The following SGTB variants were observed in gnomAD, a reference collection of about 807,000 sequenced individuals.
SGTB encodes the protein small glutamine-rich tetratricopeptide repeat-containing protein beta.
In SGTB, 19 loss-of-function variants were observed where a neutral mutation model predicts 43.9. The observed-to-expected ratio is 0.43, with a 90% CI of 0.30 to 0.63. SGTB has a LOEUF of 0.63. Ranked by LOEUF, SGTB falls within the 30% of genes least tolerant of loss-of-function variation. The probability of loss-of-function intolerance (pLI) is 0.12; values close to 1 mark genes in which losing one functional copy is unlikely to be tolerated. For synonymous variants in SGTB, 116 were observed against 117.3 expected (o/e 0.99, Z 0.07); for missense variants, 304 against 358.9 (o/e 0.85, Z 1.24).
chr5:65,710,279 T>C (rs1228322305), intron 3 of SGTB, among the ~76,000 whole-genome samples: 1 of 152,138 alleles, frequency 6.6e-6, no homozygotes, highest in African/African-American at 2.4e-5. Context: ...ACTTTATACA[T>C]GGGAAAAAGT....
chr5:65,695,050 T>C (rs1757692776), intron 5 of SGTB, among the ~76,000 whole-genome samples: 2 of 152,122 alleles, frequency 1.3e-5, no homozygotes, highest in Non-Finnish European at 1.5e-5. Context: ...AAGCATTAGA[T>C]GATCAATTTC....
At chr5:65,673,210 T>A (rs1757191910) in intron 8 of SGTB, among the ~76,000 whole-genome samples, 1 of 152,230 alleles carries the variant, frequency 6.6e-6, no homozygotes, top group Non-Finnish European at 1.5e-5. Flanking sequence ...CAGCAATTAA[T>A]GTCTCAGTGT....
At chr5:65,705,749 C>T (rs1346102545) in intron 4 of SGTB, among the ~76,000 whole-genome samples, 2 of 151,582 alleles carry the variant, frequency 1.3e-5, no homozygotes, top group Non-Finnish European at 2.9e-5. Flanking sequence ...TTCTGTAGGC[C>T]GGGTATGATG....
intron 8 of SGTB, among the ~76,000 whole-genome samples, chr5:65,675,813 G>A (rs2150703804): frequency 6.6e-6 from 1 of 152,242 alleles, no homozygotes; most frequent in East Asian, 1.9e-4. Flanking sequence ...ATTACTACCA[G>A]ACCTGCCTTA....
intron 2 of SGTB, among the ~76,000 whole-genome samples, chr5:65,716,033 G>C (rs1758141696): frequency 1.3e-5 from 2 of 152,250 alleles, no homozygotes; most frequent in Non-Finnish European, 2.9e-5. Context: ...GCCTCCCGAA[G>C]TACTGGGATT....
Position 65,712,960 on chromosome 5 carries a change from C to A in SGTB, c.204+1G>T. On this transcript the variant is annotated splice_donor_variant, in intron 3 of 10. Coordinates refer to ENST00000381007, the MANE Select transcript of SGTB (RefSeq NM_019072.3). LOFTEE classifies it high-confidence loss of function. ...ATAATGAGAAAATAATGACAACATACCTTACAGAAGGAACTGGTAAACATT... is the reference window on the plus strand; with the variant it reads ...ATAATGAGAAAATAATGACAACATAACTTACAGAAGGAACTGGTAAACATT... 6.2e-7 allele frequency: 1 copy of A among 1,608,342 alleles called. No individual in the cohort carries two copies. Among genetic ancestry groups the A allele is most frequent in the South Asian group, 1.1e-5 (1 of 90,464 alleles).
At position 65,680,550 on chromosome 5, in the gene SGTB, T is replaced by C. The variant is rs1383365326; in HGVS notation, c.625A>G (p.Thr209Ala). The change falls in exon 8 of 11, where the codon ACT becomes GCT. Residue 209 changes from threonine (T) to alanine (A), a missense_variant. Physicochemically the swap from Thr to Ala is moderately conservative, Grantham distance 58. Transcript: ENST00000381007. ...CTAGCCATGTCAAAGCTCAGTCCAG[T>C]TCCTGTCTGTAAAACAATTATATCT... ...KLREVSSPTG[T>A]GLSFDMASLI... The C allele has an allele frequency of 6.2e-7, 1 of 1,614,154 alleles. No individual in the cohort carries two copies. Among genetic ancestry groups the C allele is most frequent in the South Asian group, 1.1e-5 (1 of 91,080 alleles).
intron 2 of SGTB, among the ~76,000 whole-genome samples, chr5:65,714,230 T>C (rs559245163): frequency 7.9e-5 from 12 of 152,280 alleles, no homozygotes; most frequent in African/African-American, 2.6e-4. Flanking sequence ...TATGTGAAGA[T>C]AGATTTTAAA....
chr5:65,719,908 T>C lies in SGTB; in HGVS notation c.100+800A>G, dbSNP rs532796022. On this transcript the variant is annotated intron_variant, in intron 2 of 10. Transcript: ENST00000381007. ...GTGGTATAATTATTAGACTTTTACA[T>C]AGTGCTATTAAAATGACTCAGGTAT... Among the ~76,000 whole-genome samples the C allele has an allele frequency of 3.2e-4, 48 of 152,282 alleles. 1 individual carries two copies. The highest frequency in any genetic ancestry group is 1.2e-3 in the African/African-American group (48 of 41,562).
At chr5:65,700,439 C>T (rs62368870) in intron 5 of SGTB, among the ~76,000 whole-genome samples, 16 of 152,036 alleles carry the variant, frequency 1.1e-4, no homozygotes, top group African/African-American at 3.4e-4. Context: ...GAGGCCGAGG[C>T]GGGTGGATCA....
chr5:65,717,465 G>A (rs1404043900), intron 2 of SGTB, among the ~76,000 whole-genome samples: 2 of 151,594 alleles, frequency 1.3e-5, no homozygotes, highest in African/African-American at 2.4e-5. Flanking sequence ...GAGACAGGAT[G>A]GGATCTAGTA....
At chr5:65,682,987 T>C (rs1376920816) in intron 6 of SGTB, among the ~76,000 whole-genome samples, 1 of 152,132 alleles carries the variant, frequency 6.6e-6, no homozygotes, top group Non-Finnish European at 1.5e-5. Context: ...CTTGTTTTTA[T>C]GTGTGTTTCT....
intron 5 of SGTB, among the ~76,000 whole-genome samples, chr5:65,698,427 A>G (rs888002803): frequency 3.9e-5 from 6 of 152,216 alleles, no homozygotes; most frequent in Non-Finnish European, 8.8e-5. Context: ...AGATAGGGAA[A>G]CCAAGGCATA....
chr5:65,714,091 C>T (rs1758103086), intron 2 of SGTB, among the ~76,000 whole-genome samples: 1 of 152,036 alleles, frequency 6.6e-6, no homozygotes, highest in African/African-American at 2.4e-5. Context: ...ACTCTCACTA[C>T]AAACCTAAAA....
chr5:65,672,306 C>CA (rs1300051435), intron 8 of SGTB, 25 bp from the exon 9 acceptor site: 2 of 1,612,910 alleles, frequency 1.2e-6, no homozygotes, highest in Non-Finnish European at 1.7e-6. Flanking sequence ...CAGCACCTCC[C>CA]ATTAAAGGCA....
At chr5:65,718,321 T>C (rs566279627) in intron 2 of SGTB, among the ~76,000 whole-genome samples, 1 of 152,304 alleles carries the variant, frequency 6.6e-6, no homozygotes, top group Admixed American at 6.5e-5. Context: ...AATCAGAATG[T>C]ATCCAGATAT....
intron 8 of SGTB, among the ~76,000 whole-genome samples, chr5:65,677,508 T>C (rs1757306309): frequency 1.3e-5 from 2 of 152,184 alleles, no homozygotes; most frequent in Admixed American, 6.5e-5. Context: ...ATCATCCTGA[T>C]ACCAAAACCT....
rs1483327763 is a variant in SGTB, at chr5:65,666,456, C to T, written c.*3790G>A. ...AGTATCATAATAGCTACAGCTACTA[C>T]AAGAAATATGGTTAATGGAAGTCAA... On this transcript the variant is annotated 3_prime_UTR_variant, in exon 11 of 11. Transcript: ENST00000381007. 1 of 152,152 alleles carries T rather than the reference C, an allele frequency of 6.6e-6. No homozygotes were observed. Among genetic ancestry groups the T allele is most frequent in the Non-Finnish European group, 1.5e-5 (1 of 68,008 alleles). The allele number at this position is 152,152 out of a possible 1,614,324, so 9.4% of individuals were successfully genotyped here. A position where few individuals can be genotyped will look rare whatever the true frequency, so the allele number is the denominator to read the frequency against.
chr5:65,718,146 T>C (rs1226243574), intron 2 of SGTB, among the ~76,000 whole-genome samples: 2 of 152,148 alleles, frequency 1.3e-5, no homozygotes, highest in African/African-American at 4.8e-5. Context: ...GCAATTCTGG[T>C]AATGATTAAG....
Sources: gnomAD v4.1 joint callset for allele counts (sites outside exome capture counted in the v4.1 genomes callset) on GRCh38, gnomAD v4.1.1 for gene constraint, MANE v1.5 for transcripts, NCBI Gene and HGNC (gene_info 2026-07-23, HGNC 2026-07-21) for gene names.